AGRN: variants seen among roughly 807,000 people sequenced by gnomAD.
The protein encoded by AGRN is agrin proteoglycan.
In AGRN, 106 loss-of-function variants were observed where a neutral mutation model predicts 211.0. That is an observed-to-expected ratio of 0.50 (90% CI 0.43 to 0.59). AGRN has a LOEUF of 0.59. AGRN is among the 20% of genes least tolerant of loss of function. AGRN has a pLI of 0.00. For missense variants in AGRN, 3,040 were observed against 2,982.6 expected (o/e 1.02, Z -0.45); for synonymous variants, 1,525 against 1,332.5 (o/e 1.14, Z -3.15).
intron 2 of AGRN, chr1:1,034,350 C>G (rs930299765): frequency 4.1e-6 from 4 of 985,412 alleles, no homozygotes; most frequent in African/African-American, 3.5e-5. Flanking sequence ...CGGGAGAATT[C>G]TGCCCTCCTC....
At position 1,041,717 on chromosome 1, in the gene AGRN, C is replaced by T. The variant is rs770405970; in HGVS notation, c.1177+15C>T. On this transcript the variant is annotated intron_variant, in intron 6 of 35. Coordinates refer to ENST00000379370, the MANE Select transcript of AGRN (RefSeq NM_198576.4). The stretch of plus-strand genomic sequence containing the variant: ...CCAGGGTCGAGGTGAGCGGCTCCCC[C>T]GGGGGAGGGCTCCGGCCAGTGCCAG... 2 of 1,564,270 alleles carry T rather than the reference C, an allele frequency of 1.3e-6. No homozygotes were observed. The highest frequency in any genetic ancestry group is 1.7e-6 in the Non-Finnish European group (2 of 1,155,424).
chr1:1,037,739 C>G (rs527601948), intron 3 of AGRN, among the ~76,000 whole-genome samples: 5 of 152,154 alleles, frequency 3.3e-5, no homozygotes, highest in African/African-American at 1.2e-4. Flanking sequence ...GGCAGGTGAC[C>G]GGAGCACAGA....
chr1:1,053,169 T>G (rs1041121374), intron 33 of AGRN: 29 of 296,352 alleles, frequency 9.8e-5, no homozygotes, highest in African/African-American at 6.4e-4. Flanking sequence ...GCCTTGGCTG[T>G]GCTCCCCTGC....
intron 3 of AGRN, among the ~76,000 whole-genome samples, chr1:1,037,923 G>A (rs111941407): frequency 1.4e-3 from 211 of 152,294 alleles, no homozygotes; most frequent in African/African-American, 4.5e-3. Context: ...AGGTGATCTC[G>A]TGTGGAGCCT....
chr1:1,045,298 C>G (rs781213505), intron 13 of AGRN, 21 bp downstream of exon 13: 2 of 1,612,026 alleles, frequency 1.2e-6, no homozygotes, highest in Non-Finnish European at 8.5e-7. Context: ...GAGCTCAGCC[C>G]CGACCCCGGG....
rs770470615 is a variant in AGRN at position 1,048,977 on chromosome 1, CAG to C, written c.4217_4218del (p.Gln1406ArgfsTer29). The C allele has an allele frequency of 8.2e-6, 13 of 1,577,496 alleles. No individual in the cohort carries two copies. The highest frequency in any genetic ancestry group is 1.4e-5 in the African/African-American group (1 of 73,852). ...LALEFRALEPQGLLLYNGNAR... is the reference protein window; with the variant it reads ...LALEFRALEPXGLLLYNGNAR... ...ACTGGAATTCCGGGCGCTGGAGCCT[CAG>C]GGGCTGCTGCTGTACAATGGCAACG... is the stretch of plus-strand genomic sequence containing the variant. On this transcript the variant is annotated frameshift_variant, in exon 24 of 36. Coordinates refer to ENST00000379370, the MANE Select transcript of AGRN (RefSeq NM_198576.4). LOFTEE classifies it high-confidence loss of function. The surrounding 1 kb of genome is among the most constrained non-coding windows in gnomAD (Gnocchi z 5.9).
intron 2 of AGRN, among the ~76,000 whole-genome samples, chr1:1,029,439 T>TGGGGGG (rs1644601457): frequency 2.7e-5 from 1 of 36,584 alleles, no homozygotes; most frequent in Non-Finnish European, 5.5e-5. Flanking sequence ...TGCAGGCAGG[T>TGGGGGG]AGGGGGAGGG....
intron 2 of AGRN, chr1:1,034,001 C>A: frequency 1.8e-6 from 1 of 551,546 alleles, no homozygotes; most frequent in Non-Finnish European, 2.3e-6. Context: ...TCACTCACCT[C>A]CCCAGCCCCG....
chr1:1,047,719 G>C (rs1409899969), intron 21 of AGRN, 32 bp downstream of exon 21: 1 of 1,612,736 alleles, frequency 6.2e-7, no homozygotes, highest in African/African-American at 1.3e-5. Flanking sequence ...CTTCCTGGGA[G>C]GCAATGGGTG....
At chr1:1,025,300 C>T (rs35043675) in intron 2 of AGRN, among the ~76,000 whole-genome samples, 1 of 152,138 alleles carries the variant, frequency 6.6e-6, no homozygotes, top group African/African-American at 2.4e-5. Flanking sequence ...TGTATTCCGG[C>T]GTGTGCACCC....
At chr1:1,040,938 C>G (rs1644914151) in intron 4 of AGRN, 58 bp downstream of exon 4, 1 of 1,161,314 alleles carries the variant, frequency 8.6e-7, no homozygotes, top group Non-Finnish European at 1.1e-6. Flanking sequence ...TGAGATGGAG[C>G]GAGGCTGGGA....
Position 1,051,386 on chromosome 1 carries a change from C to A in AGRN, c.5370+17C>A. 9 of 1,496,544 alleles carry A rather than the reference C, an allele frequency of 6.0e-6. No homozygotes were observed. The highest frequency in any genetic ancestry group is 6.3e-6 in the Non-Finnish European group (7 of 1,104,780). The allele number at this position is 1,496,544 out of a possible 1,614,324, so 92.7% of individuals were successfully genotyped here. A position where few individuals can be genotyped will look rare whatever the true frequency, so the allele number is the denominator to read the frequency against. On this transcript the variant is annotated intron_variant, in intron 31 of 35. Coordinates refer to ENST00000379370, the MANE Select transcript of AGRN (RefSeq NM_198576.4). ...ATCCAGCTGGTATGTGGGGGCGGGG[C>A]GTCCCAGCAGGGCCTCCGGGGCGGG... is the stretch of plus-strand genomic sequence containing the variant.
chr1:1,053,481 G>A, intron 33 of AGRN: 1 of 1,503,956 alleles, frequency 6.6e-7, no homozygotes. Context: ...CTGGATTCCG[G>A]GGCCCTTCAC....
chr1:1,025,323 T>C (rs911553877), intron 2 of AGRN, among the ~76,000 whole-genome samples: 2 of 152,174 alleles, frequency 1.3e-5, no homozygotes, highest in South Asian at 4.1e-4. Flanking sequence ...CCTTCCTCCC[T>C]GCCTGGCCAG....
intron 2 of AGRN, among the ~76,000 whole-genome samples, chr1:1,025,298 G>A (rs953115360): frequency 5.9e-5 from 9 of 152,120 alleles, no homozygotes; most frequent in Admixed American, 2.6e-4. Context: ...CCTGTATTCC[G>A]GCGTGTGCAC....
At position 1,041,225 on chromosome 1, in the gene AGRN, G is replaced by A; in HGVS notation, c.780G>A (p.Ala260=). Residue 260 remains alanine, a synonymous_variant, in exon 5 of 36, where the codon GCG becomes GCA. Coordinates refer to ENST00000379370, the MANE Select transcript of AGRN (RefSeq NM_198576.4). ...CCTGCAGCTTCGGCAGCACCTGTGC[G>A]CGCTCGGCCGACGGGCTGACGGCCT... The part of the protein sequence containing the change: ...NVTCSFGSTC[A]RSADGLTASC... 1 of 1,481,514 alleles carries A rather than the reference G, an allele frequency of 6.7e-7. No homozygotes were observed. The highest frequency in any genetic ancestry group is 8.9e-7 in the Non-Finnish European group (1 of 1,122,358). 91.8% of individuals were successfully genotyped at this position (1,481,514 alleles called of 1,614,324 possible). A position where few individuals can be genotyped will look rare whatever the true frequency, so the allele number is the denominator to read the frequency against.
rs754020786 is a variant in AGRN at position 1,044,352 on chromosome 1, G to A, written c.2167G>A (p.Val723Ile). Residue 723 changes from valine to isoleucine, a missense_variant, in exon 12 of 36, where the codon GTC becomes ATC. This residue lies in a region of AGRN where 1,498 missense variants were observed against 1,457.8 expected (regional missense o/e 1.03). Coordinates refer to ENST00000379370, the MANE Select transcript of AGRN (RefSeq NM_198576.4). ...CCTCCAGGTGTGCGGCTCAGATGGG[G>A]TCACCTACAGCACCGAGTGTGAGCT... ...PGSPVCGSDG[V>I]TYSTECELKK... 1 of 1,612,796 alleles carries A rather than the reference G, an allele frequency of 6.2e-7. No homozygotes were observed. Among genetic ancestry groups the A allele is most frequent in the South Asian group, 1.1e-5 (1 of 91,076 alleles).
rs1279788754 is a variant in AGRN at position 1,022,348 on chromosome 1, G to T, written c.349G>T (p.Val117Leu). The change falls in exon 2 of 36, where the codon GTG becomes TTG. Residue 117 changes from valine (V) to leucine (L), a missense_variant. Val to Leu is a conservative substitution (Grantham distance 32). Coordinates refer to ENST00000379370, the MANE Select transcript of AGRN (RefSeq NM_198576.4). ...VSTGDTRIFF[V>L]NPAPPYLWPA... ...CACTGGGGACACCAGGATCTTCTTT[G>T]TGAACCCTGCACCCCCATACCTGTG... The T allele has an allele frequency of 6.2e-7, 1 of 1,613,390 alleles. No homozygotes were observed. Among genetic ancestry groups the T allele is most frequent in the Non-Finnish European group, 8.5e-7 (1 of 1,180,018 alleles).
At position 1,047,626 on chromosome 1, in the gene AGRN, C is replaced by T. The variant is rs75361935; in HGVS notation, c.3570C>T (p.Arg1190=). ...SDVKKDFRSV[R]LRDLGPGKSV... is the part of the protein sequence containing the mutation. ...TCAAGAAGGATTTTCGGAGTGTCCG[C>T]TTGCGGGACCTGGGGCCCGGCAAAT... The change falls in exon 21 of 36, where the codon CGC becomes CGT. Residue 1190 remains arginine (R), a synonymous_variant. Transcript: ENST00000379370. 3,363 of 1,613,086 alleles carry T rather than the reference C, an allele frequency of 2.1e-3. 59 individuals are homozygous for T. In the African/African-American group the frequency reaches 0.039, roughly 19 times the overall value.
Sources: gnomAD v4.1 joint callset for allele counts (sites outside exome capture counted in the v4.1 genomes callset) on GRCh38, gnomAD v4.1.1 for gene constraint, gnomAD v4.1.1 regional missense constraint, Gnocchi (gnomAD v3.1) non-coding constraint, MANE v1.5 for transcripts, NCBI Gene and HGNC (gene_info 2026-07-23, HGNC 2026-07-21) for gene names.